The following TCERG1L variants were observed in gnomAD, a reference collection of about 807,000 sequenced individuals.
TCERG1L encodes transcription elongation regulator 1 like.
A neutral mutation model predicts 56.3 loss-of-function variants in TCERG1L; 37 were observed. That is an observed-to-expected ratio of 0.66 (90% CI 0.51 to 0.87). TCERG1L has a LOEUF of 0.87. Ranked by LOEUF, TCERG1L falls within the 40% of genes least tolerant of loss-of-function variation. The pLI, the probability that TCERG1L is intolerant of heterozygous loss-of-function variation, is 0.00. For missense variants in TCERG1L, 799 were observed against 774.2 expected (o/e 1.03, Z -0.38); for synonymous variants, 324 against 326.3 (o/e 0.99, Z 0.08).
intron 4 of TCERG1L, among the ~76,000 whole-genome samples, chr10:131,216,406 G>C (rs1355673257): frequency 2.0e-5 from 3 of 152,160 alleles, no homozygotes; most frequent in African/African-American, 7.2e-5. Flanking sequence ...GCTACAGTGA[G>C]GCCTTCAGTT....
In TCERG1L at chr10:131,309,149, T is replaced by A; in HGVS notation, c.489+4A>T. Reference sequence around the variant, plus strand: ...TTATCCAATTAAATCACTTGCGTTTTTACCTTACAGTTAGGAATCCTTTTG... The same window carrying A: ...TTATCCAATTAAATCACTTGCGTTTATACCTTACAGTTAGGAATCCTTTTG... On this transcript the variant is annotated splice_donor_region_variant and intron_variant, in intron 2 of 11. Transcript: ENST00000368642. The A allele has an allele frequency of 1.9e-6, 3 of 1,608,630 alleles. No homozygotes were observed. Among genetic ancestry groups the A allele is most frequent in the Non-Finnish European group, 2.5e-6 (3 of 1,178,130 alleles).
At chr10:131,162,737 A>G (rs946396042) in intron 6 of TCERG1L, 1 of 164,928 alleles carries the variant, frequency 6.1e-6, no homozygotes, top group African/African-American at 2.4e-5. Flanking sequence ...ACGCAGGGCG[A>G]CAGAGAGAAC....
At chr10:131,094,177 C>T (rs1458939455) in intron 11 of TCERG1L, among the ~76,000 whole-genome samples, 1 of 152,234 alleles carries the variant, frequency 6.6e-6, no homozygotes, top group Non-Finnish European at 1.5e-5. Context: ...TAGCCTTGAA[C>T]TTGAAGCCAG....
chr10:131,275,895 G>C (rs780485409), intron 3 of TCERG1L, among the ~76,000 whole-genome samples: 1 of 152,256 alleles, frequency 6.6e-6, no homozygotes, highest in Non-Finnish European at 1.5e-5. Context: ...GGACGCCTGG[G>C]CATGACAACG....
At chr10:131,284,053 G>A (rs1846493687) in intron 3 of TCERG1L, among the ~76,000 whole-genome samples, 1 of 151,070 alleles carries the variant, frequency 6.6e-6, no homozygotes, top group South Asian at 2.1e-4. Context: ...CTTGAACCCA[G>A]GGGGCGAGGC....
chr10:131,266,411 G>A (rs1163193723), intron 3 of TCERG1L, among the ~76,000 whole-genome samples: 2 of 152,200 alleles, frequency 1.3e-5, no homozygotes, highest in South Asian at 2.1e-4. Context: ...TAGCAGGCAC[G>A]AAAACAATTC....
chr10:131,271,986 C>T (rs1846344577), intron 3 of TCERG1L, among the ~76,000 whole-genome samples: 1 of 152,212 alleles, frequency 6.6e-6, no homozygotes, highest in Non-Finnish European at 1.5e-5. Context: ...AGAAATGACT[C>T]TTTGACCAGG....
chr10:131,222,545 T>TG (rs151268550), intron 4 of TCERG1L, among the ~76,000 whole-genome samples: 6,652 of 152,286 alleles, frequency 0.044, 490 homozygotes, highest in African/African-American at 0.15. Context: ...GACTCCCAGA[T>TG]GGAAAGGAGA....
At chr10:131,128,976 C>A (rs1283344776) in intron 8 of TCERG1L, among the ~76,000 whole-genome samples, 1 of 152,142 alleles carries the variant, frequency 6.6e-6, no homozygotes, top group African/African-American at 2.4e-5. Context: ...AAACCATGCC[C>A]CAGGCATGAT....
intron 4 of TCERG1L, among the ~76,000 whole-genome samples, chr10:131,216,162 G>C (rs1845666999): frequency 6.6e-6 from 1 of 152,218 alleles, no homozygotes; most frequent in South Asian, 2.1e-4. Flanking sequence ...CAGCTAGTCA[G>C]TTTCTGCTCA....
At chr10:131,120,313 T>G (rs1374815298) in intron 8 of TCERG1L, among the ~76,000 whole-genome samples, 2 of 152,154 alleles carry the variant, frequency 1.3e-5, no homozygotes, top group Admixed American at 6.5e-5. Flanking sequence ...AGCTGAGTTC[T>G]GGGCACTGCA....
chr10:131,143,191 T>C (rs1336826294), intron 7 of TCERG1L, among the ~76,000 whole-genome samples: 1 of 152,204 alleles, frequency 6.6e-6, no homozygotes, highest in Non-Finnish European at 1.5e-5. Context: ...CCAATGCTGA[T>C]GGCACCTACT....
chr10:131,240,757 A>G (rs1475939160), intron 4 of TCERG1L, among the ~76,000 whole-genome samples: 1 of 152,220 alleles, frequency 6.6e-6, no homozygotes, highest in Admixed American at 6.5e-5. Context: ...GGATCCAGGA[A>G]AAGTGAGAAG....
At chr10:131,134,291 C>A in intron 8 of TCERG1L, 88 bp downstream of exon 8, 1 of 1,192,166 alleles carries the variant, frequency 8.4e-7, no homozygotes, top group Non-Finnish European at 1.2e-6. Context: ...TGCTCATAGT[C>A]AATGTGGTCA....
chr10:131,227,030 C>T (rs542376248), intron 4 of TCERG1L, among the ~76,000 whole-genome samples: 32 of 152,384 alleles, frequency 2.1e-4, no homozygotes, highest in African/African-American at 7.7e-4. Context: ...CACTCTCCAG[C>T]CCTGCTCACA....
At chr10:131,207,272 G>A (rs191465717) in intron 4 of TCERG1L, among the ~76,000 whole-genome samples, 2 of 152,206 alleles carry the variant, frequency 1.3e-5, no homozygotes, top group East Asian at 3.9e-4. Context: ...GACCCCAGAG[G>A]TCACAGGAGC....
intron 4 of TCERG1L, among the ~76,000 whole-genome samples, chr10:131,228,003 G>A (rs775509618): frequency 7.1e-6 from 1 of 140,204 alleles, no homozygotes; most frequent in Admixed American, 7.4e-5. Flanking sequence ...CACCTGACTT[G>A]GACTCTGTCC....
intron 4 of TCERG1L, among the ~76,000 whole-genome samples, chr10:131,191,864 C>CAAAAAAAAA (rs59816491): frequency 1.8e-3 from 53 of 28,672 alleles, no homozygotes; most frequent in African/African-American, 4.2e-3. Context: ...GACTCCGTCT[C>CAAAAAAAAA]AAAAAAAAAA....
intron 5 of TCERG1L, 30 bp downstream of exon 5, chr10:131,166,767 T>G: frequency 6.2e-7 from 1 of 1,611,376 alleles, no homozygotes; most frequent in Non-Finnish European, 8.5e-7. Context: ...GTTTTGTGTC[T>G]TTAACACACA....
Sources: allele counts gnomAD v4.1 joint callset (sites outside exome capture counted in the v4.1 genomes callset), GRCh38; gene constraint gnomAD v4.1.1; transcripts MANE v1.5; gene names NCBI Gene and HGNC (gene_info 2026-07-23, HGNC 2026-07-21).